Variants in DPY19L4 observed in about 807,000 individuals in gnomAD.
DPY19L4 encodes probable C-mannosyltransferase DPY19L4.
DPY19L4 carries 97 observed loss-of-function variants against 102.8 expected under a neutral mutation model. The ratio of observed to expected loss-of-function variants is 0.94; its 90% confidence interval spans 0.80 to 1.12. The LOEUF (loss-of-function observed/expected upper bound fraction) is 1.12, where lower values mean the gene tolerates loss of function less well. Among genes scored for constraint, DPY19L4 ranks in the 50% most tolerant of loss-of-function variants. The pLI, the probability that DPY19L4 is intolerant of heterozygous loss-of-function variation, is 0.00. For missense variants in DPY19L4, 815 were observed against 850.4 expected (o/e 0.96, Z 0.52); for synonymous variants, 252 against 283.1 (o/e 0.89, Z 1.10).
chr8:94,732,811 C>CTTTTTT (rs10624368), intron 2 of DPY19L4, among the ~76,000 whole-genome samples: 28 of 128,078 alleles, frequency 2.2e-4, no homozygotes, highest in Non-Finnish European at 3.4e-4. Context: ...CTTTTTCTTT[C>CTTTTTT]TTTTTTTTTT....
In DPY19L4 at chr8:94,737,471, G is replaced by A. The variant is rs535389448; in HGVS notation, c.253-898G>A. Among the ~76,000 whole-genome samples, 458 of 152,022 alleles carry A rather than the reference G, an allele frequency of 3.0e-3. 1 individual carries two copies. The highest frequency in any genetic ancestry group is 5.1e-3 in the Non-Finnish European group (349 of 67,954). On this transcript the variant is annotated intron_variant, in intron 3 of 18. Transcript: ENST00000414645. ...GATTACAGGCGTGAGCCAACACGCTGGGCCAGAGGCTGAAATTTAAAACCA... is the reference window on the plus strand; with the variant it reads ...GATTACAGGCGTGAGCCAACACGCTAGGCCAGAGGCTGAAATTTAAAACCA...
Position 94,787,968 on chromosome 8 carries a change from A to C in DPY19L4, c.1923A>C (p.Leu641=). 1 of 1,520,332 alleles carries C rather than the reference A, an allele frequency of 6.6e-7. No individual in the cohort carries two copies. Among genetic ancestry groups the C allele is most frequent in the Non-Finnish European group, 8.8e-7 (1 of 1,133,910 alleles). 94.2% of individuals were successfully genotyped at this position (1,520,332 alleles called of 1,614,324 possible). The change falls in exon 18 of 19, where the codon CTA becomes CTC. Residue 641 remains leucine, a synonymous_variant. Transcript: ENST00000414645. ...KILTSYKANY[L]IVEDAICNEV... Reference sequence around the variant, plus strand: ...TGACATCTTACAAAGCTAATTACCTAATTGTAGAGGATGCTATCTGCAATG... The same window carrying C: ...TGACATCTTACAAAGCTAATTACCTCATTGTAGAGGATGCTATCTGCAATG...
chr8:94,721,152 G>T (rs1294278736), intron 1 of DPY19L4, among the ~76,000 whole-genome samples: 2 of 152,164 alleles, frequency 1.3e-5, no homozygotes, highest in Non-Finnish European at 1.5e-5. Flanking sequence ...CTCCATGTTG[G>T]TCAGGCTGGT....
At chr8:94,778,234 CA>C (rs35068675) in intron 14 of DPY19L4, among the ~76,000 whole-genome samples, 58 of 140,260 alleles carry the variant, frequency 4.1e-4, no homozygotes, top group South Asian at 6.7e-4. Context: ...GACTTTGTCT[CA>C]AAAAAAAAAA....
chr8:94,778,679 T>A (rs1336857891), intron 14 of DPY19L4, among the ~76,000 whole-genome samples: 1 of 152,136 alleles, frequency 6.6e-6, no homozygotes, highest in Non-Finnish European at 1.5e-5. Context: ...TTCTTTTTTT[T>A]TTCTTTTAGG....
At chr8:94,776,157 C>T (rs760756543) in intron 13 of DPY19L4, among the ~76,000 whole-genome samples, 177 of 151,396 alleles carry the variant, frequency 1.2e-3, no homozygotes, top group African/African-American at 3.9e-3. Context: ...CTCAGCCTCC[C>T]GAGTAGCTGG....
chr8:94,785,135 G>A (rs1241626804), intron 17 of DPY19L4, among the ~76,000 whole-genome samples: 1 of 152,116 alleles, frequency 6.6e-6, no homozygotes, highest in Non-Finnish European at 1.5e-5. Context: ...TATTAGCTTC[G>A]TGACCTTAAG....
At chr8:94,755,540 TG>T (rs776092548) in intron 6 of DPY19L4, among the ~76,000 whole-genome samples, 4 of 152,094 alleles carry the variant, frequency 2.6e-5, no homozygotes, top group Non-Finnish European at 5.9e-5. Flanking sequence ...TGCAGCTTCT[TG>T]GGGGCAGCGG....
chr8:94,727,809 C>T (rs1245312912), intron 2 of DPY19L4, among the ~76,000 whole-genome samples: 1 of 152,038 alleles, frequency 6.6e-6, no homozygotes, highest in East Asian at 1.9e-4. Flanking sequence ...ATTCTTGACT[C>T]CCAGAAAGAA....
chr8:94,764,666 C>CGTGTGT (rs201694887), intron 8 of DPY19L4, among the ~76,000 whole-genome samples: 3,488 of 78,194 alleles, frequency 0.045, 103 homozygotes, highest in Middle Eastern at 0.069. Context: ...TGTATGTATG[C>CGTGTGT]GTGTGTGTGT....
rs550185338 is a variant in DPY19L4, at chr8:94,738,808, G to A, written c.343+349G>A. Among the ~76,000 whole-genome samples, 204 of 152,038 alleles carry A rather than the reference G, an allele frequency of 1.3e-3. 1 individual carries two copies. The highest frequency in any genetic ancestry group is 5.0e-3 in the South Asian group (24 of 4,792). Reference sequence around the variant, plus strand: ...ATTACAGGTGTGAACCACTGCGCCCGGCTGTAATATCAATATTTTTCTTAA... The same window carrying A: ...ATTACAGGTGTGAACCACTGCGCCCAGCTGTAATATCAATATTTTTCTTAA... On this transcript the variant is annotated intron_variant, in intron 4 of 18. Coordinates refer to ENST00000414645, the MANE Select transcript of DPY19L4 (RefSeq NM_181787.3).
chr8:94,780,217 C>A, intron 14 of DPY19L4, 142 bp from the exon 15 acceptor site: 1 of 481,988 alleles, frequency 2.1e-6, no homozygotes, highest in Non-Finnish European at 3.3e-6. Flanking sequence ...ATTCTGTGAA[C>A]TAGGTTCTAT....
intron 1 of DPY19L4, among the ~76,000 whole-genome samples, chr8:94,723,050 T>C (rs888439748): frequency 6.6e-6 from 1 of 152,258 alleles, no homozygotes; most frequent in Admixed American, 6.5e-5. Context: ...TTTGAAAGTC[T>C]GTTTGTAGCC....
intron 11 of DPY19L4, among the ~76,000 whole-genome samples, chr8:94,767,957 G>A (rs1310675279): frequency 6.6e-6 from 1 of 152,002 alleles, no homozygotes; most frequent in Non-Finnish European, 1.5e-5. Context: ...TTGAAATCCT[G>A]GGTGTATTTT....
intron 16 of DPY19L4, among the ~76,000 whole-genome samples, chr8:94,781,944 C>A (rs543573684): frequency 6.6e-6 from 1 of 152,178 alleles, no homozygotes; most frequent in Admixed American, 6.6e-5. Context: ...GACAAATCCT[C>A]AACCCATGTT....
chr8:94,774,896 A>T (rs1813107113), intron 13 of DPY19L4, among the ~76,000 whole-genome samples: 1 of 151,918 alleles, frequency 6.6e-6, no homozygotes, highest in Non-Finnish European at 1.5e-5. Context: ...CATTTCTATG[A>T]ATTTGTTTAC....
intron 11 of DPY19L4, 135 bp downstream of exon 11, chr8:94,766,820 G>A: frequency 1.4e-6 from 1 of 692,466 alleles, no homozygotes; most frequent in African/African-American, 1.8e-5. Flanking sequence ...GGTGGATTGT[G>A]ACCACTTGAG....
chr8:94,724,651 C>T (rs1484371745), intron 1 of DPY19L4, among the ~76,000 whole-genome samples: 2 of 148,692 alleles, frequency 1.3e-5, no homozygotes, highest in Non-Finnish European at 3.0e-5. Context: ...TGCAGTAGCG[C>T]GATCTCGGGT....
chr8:94,720,230 A>T (rs1184137167), intron 1 of DPY19L4: 1 of 985,272 alleles, frequency 1.0e-6, no homozygotes, highest in Non-Finnish European at 1.2e-6. Context: ...CGAATTGGGA[A>T]GCAAAGGTGG....
Sources: gnomAD v4.1 joint callset for allele counts (sites outside exome capture counted in the v4.1 genomes callset) on GRCh38, gnomAD v4.1.1 for gene constraint, MANE v1.5 for transcripts, NCBI Gene and HGNC (gene_info 2026-07-23, HGNC 2026-07-21) for gene names.